Variants in GPC5 observed in about 807,000 individuals in gnomAD.
The protein encoded by GPC5 is glypican-5.
GPC5 carries 47 observed loss-of-function variants against 53.9 expected under a neutral mutation model. The observed-to-expected ratio is 0.87, with a 90% CI of 0.69 to 1.11. The LOEUF (loss-of-function observed/expected upper bound fraction) is 1.11, where lower values mean the gene tolerates loss of function less well. GPC5 is among the 50% of genes most tolerant of loss of function. The pLI is 0.00. For synonymous variants in GPC5, 286 were observed against 263.3 expected, an observed-to-expected ratio of 1.09 and a Z score of -0.84; for missense variants, 748 against 713.1, an observed-to-expected ratio of 1.05 and a Z score of -0.56.
At chr13:92,851,622 C>G (rs1019944750) in intron 7 of GPC5, among the ~76,000 whole-genome samples, 1 of 151,936 alleles carries the variant, frequency 6.6e-6, no homozygotes, top group African/African-American at 2.4e-5. Flanking sequence ...TGGCTCGCTC[C>G]TGTAATCCGA....
intron 2 of GPC5, among the ~76,000 whole-genome samples, chr13:91,520,839 A>G (rs1188988181): frequency 6.6e-6 from 1 of 152,124 alleles, no homozygotes; most frequent in African/African-American, 2.4e-5. Context: ...TTGCTAAACT[A>G]GAATAGTTTA....
chr13:92,016,211 A>G (rs370851407), intron 6 of GPC5, among the ~76,000 whole-genome samples: 5,832 of 152,322 alleles, frequency 0.038, 153 homozygotes, highest in Middle Eastern at 0.058. Context: ...GTAGCAGAGG[A>G]AAAAGAAAAA....
At chr13:92,221,024 C>T (rs555340108) in intron 7 of GPC5, among the ~76,000 whole-genome samples, 126 of 152,196 alleles carry the variant, frequency 8.3e-4, no homozygotes, top group African/African-American at 2.9e-3. Context: ...CAGTTCAGAG[C>T]GTTTGTGGTT....
At chr13:92,627,725 T>G (rs1245161273) in intron 7 of GPC5, among the ~76,000 whole-genome samples, 1 of 152,220 alleles carries the variant, frequency 6.6e-6, no homozygotes, top group Non-Finnish European at 1.5e-5. Flanking sequence ...GAGCAGTTGC[T>G]AAGTAATAAT....
At chr13:92,191,940 A>G (rs1390814655) in intron 7 of GPC5, among the ~76,000 whole-genome samples, 1 of 152,214 alleles carries the variant, frequency 6.6e-6, no homozygotes, top group African/African-American at 2.4e-5. Context: ...GAACATAATG[A>G]AGGTGTATTG....
intron 6 of GPC5, among the ~76,000 whole-genome samples, chr13:92,018,655 T>C (rs1026663116): frequency 1.3e-5 from 2 of 152,092 alleles, no homozygotes; most frequent in Admixed American, 1.3e-4. Context: ...ATTCAAAAGA[T>C]GTCATTAAAA....
At chr13:92,304,359 C>G (rs2043096513) in intron 7 of GPC5, among the ~76,000 whole-genome samples, 1 of 152,068 alleles carries the variant, frequency 6.6e-6, no homozygotes, top group Admixed American at 6.5e-5. Context: ...CGCCTGCCAC[C>G]ACGCCCGGCT....
chr13:92,498,829 G>A (rs991725636), intron 7 of GPC5, among the ~76,000 whole-genome samples: 30 of 152,202 alleles, frequency 2.0e-4, no homozygotes, highest in Middle Eastern at 3.4e-3. Flanking sequence ...GCAAATTCTC[G>A]TTCGCATATT....
At chr13:92,720,203 A>G (rs995714962) in intron 7 of GPC5, among the ~76,000 whole-genome samples, 1 of 152,182 alleles carries the variant, frequency 6.6e-6, no homozygotes, top group Non-Finnish European at 1.5e-5. Context: ...ACATAAGTCA[A>G]GGGTAAAGAA....
chr13:92,427,752 A>G (rs1424543581), intron 7 of GPC5, among the ~76,000 whole-genome samples: 1 of 152,146 alleles, frequency 6.6e-6, no homozygotes, highest in African/African-American at 2.4e-5. Context: ...GCCTAGCCCA[A>G]TAACGTTTGA....
chr13:91,977,733 G>T (rs894668245), intron 6 of GPC5, among the ~76,000 whole-genome samples: 1 of 152,116 alleles, frequency 6.6e-6, no homozygotes, highest in African/African-American at 2.4e-5. Flanking sequence ...AACATACTTT[G>T]TTAAAATAAT....
chr13:92,849,534 G>A (rs1878721704), intron 7 of GPC5, among the ~76,000 whole-genome samples: 1 of 152,130 alleles, frequency 6.6e-6, no homozygotes, highest in African/African-American at 2.4e-5. Flanking sequence ...TAAAACAGAG[G>A]CAAATTTTTT....
chr13:92,801,108 ATG>A (rs888703374), intron 7 of GPC5, among the ~76,000 whole-genome samples: 5 of 151,778 alleles, frequency 3.3e-5, no homozygotes, highest in Admixed American at 1.3e-4. Context: ...ATAACAAAAT[ATG>A]TGTGTGTATG....
chr13:91,655,887 G>A (rs759533643), intron 2 of GPC5, among the ~76,000 whole-genome samples: 2 of 152,230 alleles, frequency 1.3e-5, no homozygotes, highest in South Asian at 4.2e-4. Context: ...CTCTCTTATG[G>A]GGTGAAAACA....
At chr13:92,474,569 G>T (rs897865564) in intron 7 of GPC5, among the ~76,000 whole-genome samples, 1 of 151,460 alleles carries the variant, frequency 6.6e-6, no homozygotes, top group Non-Finnish European at 1.5e-5. Flanking sequence ...ATACCAAATG[G>T]CTTTTAGGGA....
intron 7 of GPC5, among the ~76,000 whole-genome samples, chr13:92,521,114 A>G (rs1881025924): frequency 6.6e-6 from 1 of 152,194 alleles, no homozygotes; most frequent in Non-Finnish European, 1.5e-5. Flanking sequence ...CCACTGCTCA[A>G]CGAAATAAAA....
At chr13:91,866,110 G>A (rs533765128) in intron 5 of GPC5, among the ~76,000 whole-genome samples, 6 of 151,980 alleles carry the variant, frequency 3.9e-5, no homozygotes, top group Non-Finnish European at 5.9e-5. Flanking sequence ...TCAGCTGATC[G>A]ACCCACCTCA....
In GPC5 at chr13:91,398,677, CAGT is replaced by C. The variant is rs1293048454; in HGVS notation, c.-369_-367del. ...GCGGCGGAGGCGGCGGCGGCGGCGG[CAGT>C]GGCGGCAGTGGCGGCAGTGGCGGCA... On this transcript the variant is annotated 5_prime_UTR_variant, in exon 1 of 8. Transcript: ENST00000377067. 52 of 21,910 alleles carry C rather than the reference CAGT, an allele frequency of 2.4e-3. 2 individuals carry two copies. Among genetic ancestry groups the C allele is most frequent in the South Asian group, 0.019 (13 of 694 alleles). 1.4% of individuals were successfully genotyped at this position (21,910 alleles called of 1,614,324 possible). A position where few individuals can be genotyped will look rare whatever the true frequency, so the allele number is the denominator to read the frequency against.
chr13:91,748,994 G>A (rs564968691), intron 4 of GPC5, among the ~76,000 whole-genome samples: 3 of 152,092 alleles, frequency 2.0e-5, no homozygotes, highest in Non-Finnish European at 2.9e-5. Flanking sequence ...GGAAAGAGTC[G>A]AGCGCTCTTA....
Sources: gnomAD v4.1 joint callset for allele counts (sites outside exome capture counted in the v4.1 genomes callset) on GRCh38, gnomAD v4.1.1 for gene constraint, MANE v1.5 for transcripts, NCBI Gene and HGNC (gene_info 2026-07-23, HGNC 2026-07-21) for gene names.